BNC2: variants seen among roughly 807,000 people sequenced by gnomAD.
BNC2 encodes zinc finger protein basonuclin-2.
BNC2 carries 20 observed loss-of-function variants against 76.3 expected under a neutral mutation model. The observed-to-expected ratio is 0.26, with a 90% CI of 0.18 to 0.38. The LOEUF is 0.38. Ranked by LOEUF, BNC2 falls within the 10% of genes least tolerant of loss-of-function variation. BNC2 has a pLI of 1.00. For synonymous variants in BNC2, 582 were observed against 514.8 expected, an observed-to-expected ratio of 1.13 and a Z score of -1.77; for missense variants, 1,382 against 1,399.8, an observed-to-expected ratio of 0.99 and a Z score of 0.20.
intron 1 of BNC2, among the ~76,000 whole-genome samples, chr9:16,840,852 T>C (rs1269119399): frequency 6.6e-6 from 1 of 152,178 alleles, no homozygotes; most frequent in African/African-American, 2.4e-5. Context: ...TTGGAAAATA[T>C]CTTCACTACT....
At chr9:16,728,114 G>C (rs2134994319) in intron 2 of BNC2, 117 bp from the exon 3 acceptor site, 1 of 701,380 alleles carries the variant, frequency 1.4e-6, no homozygotes, top group Non-Finnish European at 2.5e-6. Context: ...TTTGGGGGAG[G>C]GAGGGGGTCA....
rs371757119 is a variant in BNC2, at chr9:16,577,180, T to A, written c.433+5803A>T. 5.1e-4 allele frequency among the ~76,000 whole-genome samples: 78 copies of A among 152,318 alleles called. 3 individuals carry two copies. In the South Asian group the frequency reaches 0.016, roughly 31 times the overall value. On this transcript the variant is annotated intron_variant, in intron 4 of 6. Coordinates refer to ENST00000380672, the MANE Select transcript of BNC2 (RefSeq NM_017637.6). Reference sequence around the variant, plus strand: ...TAAAGGACTCTCACCTAAATTTGCATGGTAATATTTATATTTAAAATCATT... The same window carrying A: ...TAAAGGACTCTCACCTAAATTTGCAAGGTAATATTTATATTTAAAATCATT...
chr9:16,774,180 C>CTAT (rs1472951749), intron 1 of BNC2, among the ~76,000 whole-genome samples: 14 of 152,258 alleles, frequency 9.2e-5, no homozygotes, highest in African/African-American at 3.4e-4. Flanking sequence ...CAGGGTTTCA[C>CTAT]CATATTGGCC....
intron 3 of BNC2, among the ~76,000 whole-genome samples, chr9:16,661,110 C>A (rs1822098560): frequency 6.6e-6 from 1 of 152,134 alleles, no homozygotes; most frequent in Admixed American, 6.5e-5. Context: ...ACCTTCCCAA[C>A]GTCATGTGGT....
chr9:16,785,333 G>A (rs916215287), intron 1 of BNC2, among the ~76,000 whole-genome samples: 2 of 152,152 alleles, frequency 1.3e-5, no homozygotes, highest in African/African-American at 4.8e-5. Context: ...TGCAAAAACT[G>A]AGGCCACGGG....
rs577334100 is a variant in BNC2, at chr9:16,587,395, G to A, written c.331-4310C>T. On this transcript the variant is annotated intron_variant, in intron 3 of 6. Transcript: ENST00000380672. ...CGTTGAGCTAAGAATCCTGAGCTACGATTCCATTCACAGCAAGTTATAGGG... is the reference window on the plus strand; with the variant it reads ...CGTTGAGCTAAGAATCCTGAGCTACAATTCCATTCACAGCAAGTTATAGGG... 6.6e-5 allele frequency among the ~76,000 whole-genome samples: 10 copies of A among 152,112 alleles called. 1 individual carries two copies. The highest frequency in any genetic ancestry group is 3.3e-4 in the Admixed American group (5 of 15,268).
rs996620660 is a variant in BNC2 at position 16,454,003 on chromosome 9, G to A, written c.670-16479C>T. On this transcript the variant is annotated intron_variant, in intron 5 of 6. Transcript: ENST00000380672. ...CACACTATATACTCCCACCACCAAC[G>A]TTTTGCTTATGCTACCTCTTCTACT... is the stretch of plus-strand genomic sequence containing the variant. Among the ~76,000 whole-genome samples the A allele has an allele frequency of 2.6e-5, 4 of 152,076 alleles. 1 individual carries two copies. The South Asian group carries it at 8.3e-4, about 32-fold the overall frequency.
intron 1 of BNC2, among the ~76,000 whole-genome samples, chr9:16,781,474 C>T (rs1826153082): frequency 1.3e-5 from 2 of 152,226 alleles, no homozygotes; most frequent in South Asian, 4.1e-4. Flanking sequence ...ACCCGAGCAG[C>T]TGGGACTACA....
At chr9:16,581,563 G>A (rs1356990268) in intron 4 of BNC2, among the ~76,000 whole-genome samples, 1 of 152,120 alleles carries the variant, frequency 6.6e-6, no homozygotes, top group Non-Finnish European at 1.5e-5. Context: ...AAATGAGGAG[G>A]AGAAGCCTCA....
chr9:16,425,994 G>A (rs1373215795), intron 6 of BNC2, among the ~76,000 whole-genome samples: 2 of 152,164 alleles, frequency 1.3e-5, no homozygotes, highest in African/African-American at 4.8e-5. Flanking sequence ...TATTCAATAG[G>A]TACCTGTTGC....
At chr9:16,512,062 T>C (rs956728626) in intron 5 of BNC2, among the ~76,000 whole-genome samples, 3 of 152,220 alleles carry the variant, frequency 2.0e-5, no homozygotes, top group African/African-American at 7.2e-5. Context: ...TATTGATCTA[T>C]TTTACCTATT....
At chr9:16,837,402 G>C (rs1397086086) in intron 1 of BNC2, among the ~76,000 whole-genome samples, 1 of 152,166 alleles carries the variant, frequency 6.6e-6, no homozygotes, top group Non-Finnish European at 1.5e-5. Flanking sequence ...TACTCAGGAC[G>C]CTGAGGCAGG....
chr9:16,622,988 A>C (rs1394577952), intron 3 of BNC2, among the ~76,000 whole-genome samples: 4 of 152,198 alleles, frequency 2.6e-5, no homozygotes, highest in Admixed American at 6.5e-5. Context: ...TGAAGATTTG[A>C]ATCAGTTTGC....
At chr9:16,660,967 T>C (rs533460562) in intron 3 of BNC2, among the ~76,000 whole-genome samples, 1 of 152,180 alleles carries the variant, frequency 6.6e-6, no homozygotes, top group South Asian at 2.1e-4. Context: ...TTGAGGGAGG[T>C]CCTGGAACCA....
At chr9:16,779,418 T>C (rs1826063150) in intron 1 of BNC2, among the ~76,000 whole-genome samples, 1 of 152,146 alleles carries the variant, frequency 6.6e-6, no homozygotes, top group African/African-American at 2.4e-5. Flanking sequence ...TGATGTGCTA[T>C]TATCTTAAAC....
chr9:16,662,643 G>A (rs1822142926), intron 3 of BNC2, among the ~76,000 whole-genome samples: 1 of 152,178 alleles, frequency 6.6e-6, no homozygotes, highest in Admixed American at 6.5e-5. Flanking sequence ...GGCTGAGGCA[G>A]GAGAATCATT....
At chr9:16,507,280 C>T (rs549325354) in intron 5 of BNC2, among the ~76,000 whole-genome samples, 108 of 98,878 alleles carry the variant, frequency 1.1e-3, no homozygotes, top group African/African-American at 2.0e-3. Flanking sequence ...TTTTTTGAGA[C>T]GGAGTCTCGT....
At chr9:16,632,161 T>A (rs550946175) in intron 3 of BNC2, among the ~76,000 whole-genome samples, 1 of 152,186 alleles carries the variant, frequency 6.6e-6, no homozygotes, top group African/African-American at 2.4e-5. Context: ...GGACTACCCA[T>A]GTCATCTTGC....
At position 16,417,397 on chromosome 9, in the gene BNC2, C is replaced by T. The variant is rs2118995689; in HGVS notation, c.*1592G>A. 1 of 152,400 alleles carries T rather than the reference C, an allele frequency of 6.6e-6. No individual in the cohort carries two copies. The highest frequency in any genetic ancestry group is 2.1e-4 in the South Asian group (1 of 4,828). The allele number at this position is 152,400 out of a possible 1,614,324, so 9.4% of individuals were successfully genotyped here. ...CTTGGTTTCAGGCTTGCTTTCATTTCTCTCTGACAAATCGTGTGGGGAAAC... is the reference window on the plus strand; with the variant it reads ...CTTGGTTTCAGGCTTGCTTTCATTTTTCTCTGACAAATCGTGTGGGGAAAC... On this transcript the variant is annotated 3_prime_UTR_variant, in exon 7 of 7. Transcript: ENST00000380672.
Sources: gnomAD v4.1 joint callset for allele counts (sites outside exome capture counted in the v4.1 genomes callset) on GRCh38, gnomAD v4.1.1 for gene constraint, MANE v1.5 for transcripts, NCBI Gene and HGNC (gene_info 2026-07-23, HGNC 2026-07-21) for gene names.